B4GALNT2: variants seen among roughly 807,000 people sequenced by gnomAD.
B4GALNT2 encodes the protein N-acetylneuraminylgalactosylglucosyl-glucoside beta-1,4-N- acetylgalactosaminyltransferase 2.
In B4GALNT2, 42 loss-of-function variants were observed where a neutral mutation model predicts 51.1. The ratio of observed to expected loss-of-function variants is 0.82; its 90% CI spans 0.64 to 1.06. The LOEUF (loss-of-function observed/expected upper bound fraction) is 1.06. Ranked by LOEUF, B4GALNT2 falls within the 50% of genes least tolerant of loss-of-function variation. The pLI is 0.00. For missense variants in B4GALNT2, 602 were observed against 633.6 expected, an observed-to-expected ratio of 0.95 and a Z score of 0.54; for synonymous variants, 253 against 251.7, an observed-to-expected ratio of 1.01 and a Z score of -0.05.
intron 3 of B4GALNT2, chr17:49,148,773 T>TAGG (rs1242819971): frequency 1.0e-5 from 5 of 497,590 alleles, no homozygotes; most frequent in Admixed American, 2.9e-5. Context: ...AAGGAGTTCA[T>TAGG]AGGGCTGGGT....
chr17:49,150,229 C>T (rs2042737586), intron 3 of B4GALNT2, among the ~76,000 whole-genome samples: 1 of 145,192 alleles, frequency 6.9e-6, no homozygotes, highest in African/African-American at 2.6e-5. Flanking sequence ...GGCCAGCCGC[C>T]CCGTCCGGGA....
rs897310399 is a variant in B4GALNT2, at chr17:49,173,655, A to T, written c.*3927A>T. On this transcript the variant is annotated 3_prime_UTR_variant, in exon 11 of 11. Transcript: ENST00000393354. ...GAAGGACAATAATTTTTCCAGGACCATATCCATGTAATTTAACAATCTGAG... is the reference window on the plus strand; with the variant it reads ...GAAGGACAATAATTTTTCCAGGACCTTATCCATGTAATTTAACAATCTGAG... 5.3e-5 allele frequency: 8 copies of T among 152,312 alleles called. No homozygotes were observed. Among genetic ancestry groups the T allele is most frequent in the African/African-American group, 1.9e-4 (8 of 41,562 alleles). The allele number at this position is 152,312 out of a possible 1,614,324, so 9.4% of individuals were successfully genotyped here.
rs1204128787 is a variant in B4GALNT2 at position 49,173,549 on chromosome 17, C to A, written c.*3821C>A. The A allele has an allele frequency of 1.3e-5, 2 of 152,148 alleles. No homozygotes were observed. The highest frequency in any genetic ancestry group is 2.9e-5 in the Non-Finnish European group (2 of 68,016). 9.4% of individuals were successfully genotyped at this position (152,148 alleles called of 1,614,324 possible). On this transcript the variant is annotated 3_prime_UTR_variant, in exon 11 of 11. Coordinates refer to ENST00000393354, the MANE Select transcript of B4GALNT2 (RefSeq NM_001159387.2). Reference sequence around the variant, plus strand: ...AATTTTGTTTTGGGAAAATGATTATCAAGAATACCCACAAAGTCAGCTAAA... The same window carrying A: ...AATTTTGTTTTGGGAAAATGATTATAAAGAATACCCACAAAGTCAGCTAAA...
Position 49,152,793 on chromosome 17 carries a change from C to T in B4GALNT2, c.354-7C>T. 1 of 1,579,130 alleles carries T rather than the reference C, an allele frequency of 6.3e-7. No homozygotes were observed. The highest frequency in any genetic ancestry group is 8.6e-7 in the Non-Finnish European group (1 of 1,161,424). ...AGCTGCTGACGTTTCTGTTCTCCTT[C>T]CTGCAGAGAAGGGCTGCCCCGCCCA... On this transcript the variant is annotated splice_polypyrimidine_tract_variant and splice_region_variant and intron_variant, in intron 3 of 10. Transcript: ENST00000393354.
chr17:49,174,458 T>C lies in B4GALNT2; in HGVS notation c.*4730T>C, dbSNP rs2042975744. On this transcript the variant is annotated 3_prime_UTR_variant, in exon 11 of 11. Coordinates refer to ENST00000393354, the MANE Select transcript of B4GALNT2 (RefSeq NM_001159387.2). ...AGCTAAGGGGATAGTAAAGAAACAG[T>C]CTTTTAAATCTATGACTATTAAAGG... The C allele has an allele frequency of 6.6e-6, 1 of 152,180 alleles. No homozygotes were observed. Among genetic ancestry groups the C allele is most frequent in the African/African-American group, 2.4e-5 (1 of 41,442 alleles). The allele number at this position is 152,180 out of a possible 1,614,324, so 9.4% of individuals were successfully genotyped here. A position where few individuals can be genotyped will look rare whatever the true frequency, so the allele number is the denominator to read the frequency against.
rs2042975808 is a variant in B4GALNT2, at chr17:49,174,470, A to G, written c.*4742A>G. 3 of 152,198 alleles carry G rather than the reference A, an allele frequency of 2.0e-5. No individual in the cohort carries two copies. The highest frequency in any genetic ancestry group is 7.2e-5 in the African/African-American group (3 of 41,442). 9.4% of individuals were successfully genotyped at this position (152,198 alleles called of 1,614,324 possible). ...AGTAAAGAAACAGTCTTTTAAATCT[A>G]TGACTATTAAAGGCCAATTCTTTGG... On this transcript the variant is annotated 3_prime_UTR_variant, in exon 11 of 11. Coordinates refer to ENST00000393354, the MANE Select transcript of B4GALNT2 (RefSeq NM_001159387.2).
intron 1 of B4GALNT2, among the ~76,000 whole-genome samples, chr17:49,136,166 T>C (rs544285527): frequency 6.6e-6 from 1 of 152,076 alleles, no homozygotes; most frequent in Non-Finnish European, 1.5e-5. Context: ...AGAGCAAAGT[T>C]ACATCTCTAC....
chr17:49,139,948 G>A (rs1224387296), intron 1 of B4GALNT2, among the ~76,000 whole-genome samples: 1 of 151,252 alleles, frequency 6.6e-6, no homozygotes, highest in African/African-American at 2.4e-5. Flanking sequence ...CACTGTATTA[G>A]GGAAATATAT....
rs1279669961 is a variant in B4GALNT2 at position 49,171,863 on chromosome 17, G to C, written c.*2135G>C. The C allele has an allele frequency of 6.0e-6, 2 of 332,472 alleles. No homozygotes were observed. Among genetic ancestry groups the C allele is most frequent in the East Asian group, 1.8e-4 (2 of 10,860 alleles). The allele number at this position is 332,472 out of a possible 1,614,324, so 20.6% of individuals were successfully genotyped here. On this transcript the variant is annotated 3_prime_UTR_variant, in exon 11 of 11. Transcript: ENST00000393354. ...AATTCTATTTACAAATAGGTTTTGA[G>C]CTGCCTTTGCTTTGCCTCAATTATA...
At chr17:49,150,020 T>C (rs1438704071) in intron 3 of B4GALNT2, among the ~76,000 whole-genome samples, 1 of 152,212 alleles carries the variant, frequency 6.6e-6, no homozygotes, top group Non-Finnish European at 1.5e-5. Flanking sequence ...TATTTCCTCT[T>C]CCGTTAATTA....
chr17:49,169,164 C>T (rs942854565), intron 10 of B4GALNT2, among the ~76,000 whole-genome samples: 2 of 152,008 alleles, frequency 1.3e-5, no homozygotes, highest in African/African-American at 4.8e-5. Context: ...TGTCTTCTTC[C>T]TCCTTTCCCA....
At chr17:49,166,081 G>A (rs754264999) in intron 8 of B4GALNT2, 33 bp from the exon 9 acceptor site, 1 of 1,604,766 alleles carries the variant, frequency 6.2e-7, no homozygotes, top group Non-Finnish European at 8.5e-7. Context: ...TGTAATATGG[G>A]CAACCACTCC....
chr17:49,129,437 C>T (rs912965159), upstream of B4GALNT2, among the ~76,000 whole-genome samples: 1 of 152,140 alleles, frequency 6.6e-6, no homozygotes, highest in African/African-American at 2.4e-5. Flanking sequence ...TCTCAGGATC[C>T]AGTGGGATGA....
intron 7 of B4GALNT2, among the ~76,000 whole-genome samples, chr17:49,163,043 G>A (rs2042879015): frequency 6.6e-6 from 1 of 151,710 alleles, no homozygotes; most frequent in South Asian, 2.1e-4. Context: ...CCACAAACAG[G>A]TAGGGTTGTG....
Position 49,159,224 on chromosome 17 carries a change from G to A in B4GALNT2, c.679+7G>A, listed in dbSNP as rs1291887044. 3.7e-6 allele frequency: 6 copies of A among 1,613,602 alleles called. No homozygotes were observed. Among genetic ancestry groups the A allele is most frequent in the South Asian group, 2.2e-5 (2 of 90,998 alleles). On this transcript the variant is annotated splice_region_variant and intron_variant, in intron 6 of 10. Coordinates refer to ENST00000393354, the MANE Select transcript of B4GALNT2 (RefSeq NM_001159387.2). ...CACCAGAAGGTAGACATAGGTGAGA[G>A]CCTGTCCTTGGAGTGCAAAATGCTT...
At chr17:49,141,201 C>G (rs753183246) in intron 1 of B4GALNT2, 46 bp from the exon 2 acceptor site, 1 of 1,559,398 alleles carries the variant, frequency 6.4e-7, no homozygotes, top group Admixed American at 1.7e-5. Flanking sequence ...ATTACATAAT[C>G]AAGAAAAAAG....
At position 49,170,551 on chromosome 17, in the gene B4GALNT2, G is replaced by C. The variant is rs1598220077; in HGVS notation, c.*823G>C. On this transcript the variant is annotated 3_prime_UTR_variant, in exon 11 of 11. Coordinates refer to ENST00000393354, the MANE Select transcript of B4GALNT2 (RefSeq NM_001159387.2). ...ACTAAACTCCAGGGACCTGAGGCCA[G>C]TTGCTGGTCACTCAAAACTCATGTC... 2 of 150,248 alleles carry C rather than the reference G, an allele frequency of 1.3e-5. No homozygotes were observed. The highest frequency in any genetic ancestry group is 1.9e-4 in the East Asian group (1 of 5,182). 9.3% of individuals were successfully genotyped at this position (150,248 alleles called of 1,614,324 possible). A position where few individuals can be genotyped will look rare whatever the true frequency, so the allele number is the denominator to read the frequency against.
intron 7 of B4GALNT2, among the ~76,000 whole-genome samples, chr17:49,163,081 G>A (rs919446210): frequency 6.6e-6 from 1 of 151,992 alleles, no homozygotes; most frequent in Non-Finnish European, 1.5e-5. Flanking sequence ...ACTCCAGCTG[G>A]CCCCATGCCA....
At position 49,169,946 on chromosome 17, in the gene B4GALNT2, A is replaced by G. The variant is rs889431225; in HGVS notation, c.*218A>G. The G allele has an allele frequency of 2.2e-6, 1 of 453,844 alleles. No homozygotes were observed. Among genetic ancestry groups the G allele is most frequent in the Non-Finnish European group, 3.8e-6 (1 of 260,018 alleles). 28.1% of individuals were successfully genotyped at this position (453,844 alleles called of 1,614,324 possible). A position where few individuals can be genotyped will look rare whatever the true frequency, so the allele number is the denominator to read the frequency against. ...GGCAATGGAGACTGTATTAATAGCA[A>G]TGATGATTTGTACAATGCCCTGCCT... On this transcript the variant is annotated 3_prime_UTR_variant, in exon 11 of 11. Coordinates refer to ENST00000393354, the MANE Select transcript of B4GALNT2 (RefSeq NM_001159387.2).
Sources: allele counts gnomAD v4.1 joint callset (sites outside exome capture counted in the v4.1 genomes callset), GRCh38; gene constraint gnomAD v4.1.1; transcripts MANE v1.5; gene names NCBI Gene and HGNC (gene_info 2026-07-23, HGNC 2026-07-21).